The following KDM4C variants were observed in gnomAD, a reference collection of about 807,000 sequenced individuals.
KDM4C encodes the protein lysine-specific demethylase 4C.
A neutral mutation model predicts 129.3 loss-of-function variants in KDM4C; 81 were observed. That is an observed-to-expected ratio of 0.63 (90% confidence interval 0.52 to 0.75). The LOEUF (loss-of-function observed/expected upper bound fraction) is 0.75. Among genes scored for constraint, KDM4C ranks in the 30% least tolerant of loss-of-function variants. KDM4C has a pLI of 0.00. For synonymous variants in KDM4C, 573 were observed against 456.1 expected (o/e 1.26, Z -3.26); for missense variants, 1,457 against 1,304.0 (o/e 1.12, Z -1.81).
chr9:7,152,076 C>T (rs1480839098), intron 19 of KDM4C, among the ~76,000 whole-genome samples: 1 of 152,210 alleles, frequency 6.6e-6, no homozygotes, highest in Non-Finnish European at 1.5e-5. Context: ...TGGTGGTTAA[C>T]ATTAGATTTA....
At chr9:7,112,420 C>T (rs1838431248) in intron 18 of KDM4C, among the ~76,000 whole-genome samples, 1 of 152,100 alleles carries the variant, frequency 6.6e-6, no homozygotes. Context: ...AAACAGAGAC[C>T]TGGATTTCCA....
At chr9:6,842,025 A>G (rs1177317520) in intron 4 of KDM4C, among the ~76,000 whole-genome samples, 1 of 152,212 alleles carries the variant, frequency 6.6e-6, no homozygotes, top group East Asian at 1.9e-4. Flanking sequence ...GAGAGATAAA[A>G]CATGCTCATA....
chr9:6,951,998 C>G (rs1418515450), intron 8 of KDM4C, among the ~76,000 whole-genome samples: 3 of 151,976 alleles, frequency 2.0e-5, no homozygotes, highest in African/African-American at 7.3e-5. Context: ...CCTGCTGTTA[C>G]TTAGCTCATA....
chr9:6,806,859 G>GCTCTCCCTCTCC (rs976008275), intron 3 of KDM4C, among the ~76,000 whole-genome samples: 3 of 146,670 alleles, frequency 2.0e-5, no homozygotes, highest in African/African-American at 7.9e-5. Flanking sequence ...ACACACTGTT[G>GCTCTCCCTCTCC]CTCTCCCTCT....
At chr9:6,781,118 A>G (rs1588218093) in intron 1 of KDM4C, among the ~76,000 whole-genome samples, 1 of 152,152 alleles carries the variant, frequency 6.6e-6, no homozygotes, top group East Asian at 1.9e-4. Flanking sequence ...AGTCAATTGT[A>G]GTCTGTAGGA....
chr9:6,813,392 G>T (rs1009591402), intron 3 of KDM4C, among the ~76,000 whole-genome samples: 5 of 152,048 alleles, frequency 3.3e-5, no homozygotes, highest in African/African-American at 9.7e-5. Context: ...AATTCAAATT[G>T]TTCTATGTTT....
chr9:7,032,520 A>T (rs530760230), intron 15 of KDM4C, among the ~76,000 whole-genome samples: 1 of 152,354 alleles, frequency 6.6e-6, no homozygotes, highest in East Asian at 1.9e-4. Flanking sequence ...ATGGATTTTC[A>T]TGTAAGCTAA....
intron 1 of KDM4C, among the ~76,000 whole-genome samples, chr9:6,763,040 G>C (rs867071690): frequency 6.6e-6 from 1 of 151,818 alleles, no homozygotes; most frequent in African/African-American, 2.4e-5. Context: ...TGGTGGGGGG[G>C]GATGGATGGG....
intron 19 of KDM4C, among the ~76,000 whole-genome samples, chr9:7,148,660 A>G (rs769723953): frequency 3.9e-5 from 6 of 152,196 alleles, no homozygotes; most frequent in Non-Finnish European, 8.8e-5. Context: ...TCCTGCGTCC[A>G]GGAAGAATGA....
At chr9:6,872,596 G>A (rs1363440832) in intron 5 of KDM4C, among the ~76,000 whole-genome samples, 1 of 152,170 alleles carries the variant, frequency 6.6e-6, no homozygotes, top group Non-Finnish European at 1.5e-5. Context: ...TCTTCTTGTT[G>A]CATTGATCCC....
chr9:6,957,885 G>T (rs887709097), intron 8 of KDM4C, among the ~76,000 whole-genome samples: 1 of 152,064 alleles, frequency 6.6e-6, no homozygotes, highest in Non-Finnish European at 1.5e-5. Flanking sequence ...AACACAATTC[G>T]AGTACATATA....
intron 17 of KDM4C, among the ~76,000 whole-genome samples, chr9:7,067,576 C>A (rs1309684507): frequency 2.0e-5 from 3 of 152,172 alleles, no homozygotes; most frequent in African/African-American, 4.8e-5. Flanking sequence ...CTGTGACTTG[C>A]TTATTTGAGG....
At chr9:7,119,064 G>A (rs778467718) in intron 18 of KDM4C, among the ~76,000 whole-genome samples, 1 of 152,140 alleles carries the variant, frequency 6.6e-6, no homozygotes, top group Non-Finnish European at 1.5e-5. Context: ...TAAGAATGCA[G>A]TGCATATGTC....
At chr9:6,771,655 A>T (rs1821869596) in intron 1 of KDM4C, among the ~76,000 whole-genome samples, 1 of 152,180 alleles carries the variant, frequency 6.6e-6, no homozygotes, top group South Asian at 2.1e-4. Context: ...GAAACTAAGG[A>T]TGAGTAGTCT....
At chr9:6,833,411 C>T (rs1835275279) in intron 4 of KDM4C, among the ~76,000 whole-genome samples, 1 of 152,048 alleles carries the variant, frequency 6.6e-6, no homozygotes, top group South Asian at 2.1e-4. Context: ...AAGTTTCTCC[C>T]TCCCTGATGA....
intron 5 of KDM4C, among the ~76,000 whole-genome samples, chr9:6,852,258 C>T (rs1838983276): frequency 6.6e-6 from 1 of 152,118 alleles, no homozygotes; most frequent in African/African-American, 2.4e-5. Context: ...TTAGAAGCAA[C>T]ACAAATTCAT....
In KDM4C at chr9:6,849,504, C is replaced by A; in HGVS notation, c.436-3C>A. On this transcript the variant is annotated splice_polypyrimidine_tract_variant and splice_region_variant and intron_variant, in intron 4 of 21. Transcript: ENST00000381309. The stretch of plus-strand genomic sequence containing the variant: ...CTCTCTCTTTTTTTCTCTCTCATTC[C>A]AGGGTGTGGATGAATGGAACATAGC... The A allele has an allele frequency of 1.3e-6, 2 of 1,509,376 alleles. No individual in the cohort carries two copies. Among genetic ancestry groups the A allele is most frequent in the South Asian group, 1.4e-5 (1 of 71,582 alleles). The allele number at this position is 1,509,376 out of a possible 1,614,324, so 93.5% of individuals were successfully genotyped here.
At chr9:6,733,096 G>A (rs1817406704) in intron 1 of KDM4C, among the ~76,000 whole-genome samples, 1 of 152,226 alleles carries the variant, frequency 6.6e-6, no homozygotes, top group Non-Finnish European at 1.5e-5. Flanking sequence ...ACCTCATCCA[G>A]TTTTGTTTTG....
At chr9:6,955,317 A>G (rs1456790861) in intron 8 of KDM4C, among the ~76,000 whole-genome samples, 1 of 152,220 alleles carries the variant, frequency 6.6e-6, no homozygotes, top group African/African-American at 2.4e-5. Context: ...TGCCCAATGC[A>G]CAGTTGTGTC....
Sources: gnomAD v4.1 joint callset for allele counts (sites outside exome capture counted in the v4.1 genomes callset) on GRCh38, gnomAD v4.1.1 for gene constraint, MANE v1.5 for transcripts, NCBI Gene and HGNC (gene_info 2026-07-23, HGNC 2026-07-21) for gene names.